RPTOR: variants seen among roughly 807,000 people sequenced by gnomAD.
RPTOR encodes regulatory associated protein of MTOR complex 1.
In RPTOR, 21 loss-of-function variants were observed where a neutral mutation model predicts 169.9. The ratio of observed to expected loss-of-function variants is 0.12; its 90% CI spans 0.09 to 0.18. RPTOR has a LOEUF of 0.18. Among genes scored for constraint, RPTOR ranks in the 10% least tolerant of loss-of-function variants. The pLI is 1.00. For synonymous variants in RPTOR, 732 were observed against 753.2 expected (o/e 0.97, Z 0.46); for missense variants, 1,133 against 1,855.9 (o/e 0.61, Z 7.16).
chr17:80,579,787 A>T (rs2064999096), intron 1 of RPTOR, among the ~76,000 whole-genome samples: 1 of 152,220 alleles, frequency 6.6e-6, no homozygotes, highest in African/African-American at 2.4e-5. Flanking sequence ...CATGTGGGGT[A>T]GTTAAGTGTC....
intron 7 of RPTOR, among the ~76,000 whole-genome samples, chr17:80,810,658 G>T (rs1182146070): frequency 2.0e-5 from 3 of 152,144 alleles, no homozygotes; most frequent in Non-Finnish European, 4.4e-5. Flanking sequence ...CAGTTTATCA[G>T]TTCTAACGAG....
intron 1 of RPTOR, among the ~76,000 whole-genome samples, chr17:80,598,591 A>G (rs1239113174): frequency 6.6e-6 from 1 of 152,212 alleles, no homozygotes; most frequent in African/African-American, 2.4e-5. Context: ...CTTGAGTCCA[A>G]GTTGCTGATC....
intron 6 of RPTOR, among the ~76,000 whole-genome samples, chr17:80,764,172 T>TTTATTTTA (rs1555616358): frequency 1.1e-3 from 94 of 86,292 alleles, no homozygotes; most frequent in East Asian, 2.2e-3. Flanking sequence ...TTTATTTTAT[T>TTTATTTTA]TTATTATTAT....
chr17:80,748,150 C>T (rs1221852446), intron 5 of RPTOR, among the ~76,000 whole-genome samples: 3 of 116,532 alleles, frequency 2.6e-5, no homozygotes, highest in Non-Finnish European at 3.3e-5. Context: ...GTTTAGAGGC[C>T]GTGGCGTGAG....
chr17:80,818,315 T>C (rs2067344669), intron 7 of RPTOR, among the ~76,000 whole-genome samples: 1 of 152,196 alleles, frequency 6.6e-6, no homozygotes, highest in Non-Finnish European at 1.5e-5. Flanking sequence ...ATTAACACTC[T>C]GAATTTAAAT....
intron 4 of RPTOR, among the ~76,000 whole-genome samples, chr17:80,720,020 G>T (rs2066271573): frequency 6.6e-6 from 1 of 152,100 alleles, no homozygotes; most frequent in Non-Finnish European, 1.5e-5. Flanking sequence ...ATGGATCATG[G>T]GCCGGGCACG....
chr17:80,665,483 C>CT (rs1227939035), intron 3 of RPTOR, among the ~76,000 whole-genome samples: 1 of 41,298 alleles, frequency 2.4e-5, no homozygotes, highest in African/African-American at 2.8e-4. Context: ...CTTTCCTTTC[C>CT]TTTCCTTTCC....
At chr17:80,762,197 G>T (rs58669836) in intron 6 of RPTOR, among the ~76,000 whole-genome samples, 5,119 of 152,344 alleles carry the variant, frequency 0.034, 298 homozygotes, top group African/African-American at 0.12. Flanking sequence ...GATGGATGCG[G>T]TAAGAAAGGG....
chr17:80,737,963 C>T (rs995959238), intron 5 of RPTOR, among the ~76,000 whole-genome samples: 4 of 151,894 alleles, frequency 2.6e-5, no homozygotes, highest in African/African-American at 7.2e-5. Context: ...ATCCACAGAA[C>T]GGCCATCCCC....
At position 80,959,818 on chromosome 17, in the gene RPTOR, G is replaced by A. The variant is rs571850258; in HGVS notation, c.3478-260G>A. ...CTGCCTCACTGGCTGGGTCCCAGGC[G>A]CCTCAGGGCCTCAGGGCTGTCCCTC... On this transcript the variant is annotated intron_variant, in intron 29 of 33. Transcript: ENST00000306801. This position sits in a 1 kb window ranked among gnomAD's most constrained non-coding sequence, Gnocchi z 6.7. Among the ~76,000 whole-genome samples the A allele has an allele frequency of 1.1e-4, 17 of 152,270 alleles. No homozygotes were observed. The highest frequency in any genetic ancestry group is 4.1e-4 in the South Asian group (2 of 4,826).
At chr17:80,832,048 G>C (rs768995783) in intron 9 of RPTOR, among the ~76,000 whole-genome samples, 2 of 152,236 alleles carry the variant, frequency 1.3e-5, no homozygotes, top group African/African-American at 2.4e-5. Context: ...CTGGCTATAA[G>C]GGCTTGAGCC....
At chr17:80,649,033 C>T (rs1172983814) in intron 3 of RPTOR, among the ~76,000 whole-genome samples, 4 of 152,200 alleles carry the variant, frequency 2.6e-5, no homozygotes, top group Non-Finnish European at 5.9e-5. Flanking sequence ...GTAAATTGCC[C>T]AGTCTTGGTT....
intron 6 of RPTOR, among the ~76,000 whole-genome samples, chr17:80,783,925 G>T (rs1459610892): frequency 3.3e-5 from 5 of 152,160 alleles, no homozygotes; most frequent in African/African-American, 1.2e-4. Flanking sequence ...GCTGTTTAAC[G>T]TTTGCAAGTT....
chr17:80,863,843 C>T (rs2067949147), intron 13 of RPTOR, among the ~76,000 whole-genome samples: 1 of 152,138 alleles, frequency 6.6e-6, no homozygotes, highest in Non-Finnish European at 1.5e-5. Flanking sequence ...TCGCTTGAGC[C>T]CGGGAGGTCG....
chr17:80,816,812 C>A (rs756525132), intron 7 of RPTOR, among the ~76,000 whole-genome samples: 2 of 152,182 alleles, frequency 1.3e-5, no homozygotes, highest in Admixed American at 6.5e-5. Context: ...AGCTTCAGGG[C>A]CACATGGGTT....
chr17:80,578,314 G>A (rs1005720744), intron 1 of RPTOR, among the ~76,000 whole-genome samples: 1 of 152,136 alleles, frequency 6.6e-6, no homozygotes. Context: ...GGCTTGAGAG[G>A]TGAAGTAATT....
intron 3 of RPTOR, among the ~76,000 whole-genome samples, chr17:80,688,597 G>A (rs2065966718): frequency 6.6e-6 from 1 of 152,200 alleles, no homozygotes; most frequent in African/African-American, 2.4e-5. Context: ...TCTCCTTTGA[G>A]CACACTGTTT....
rs528128719 is a variant in RPTOR at position 80,656,890 on chromosome 17, A to T, written c.348+13080A>T. ...GGAACACTTGTATTGAGTGGCAGGGAGCCGCGGGGACACTGCCCATAGCGG... is the reference window on the plus strand; with the variant it reads ...GGAACACTTGTATTGAGTGGCAGGGTGCCGCGGGGACACTGCCCATAGCGG... On this transcript the variant is annotated intron_variant, in intron 3 of 33. Coordinates refer to ENST00000306801, the MANE Select transcript of RPTOR (RefSeq NM_020761.3). Among the ~76,000 whole-genome samples, 393 of 152,278 alleles carry T rather than the reference A, an allele frequency of 2.6e-3. 3 individuals carry two copies. The highest frequency in any genetic ancestry group is 8.0e-3 in the African/African-American group (333 of 41,562).
At chr17:80,582,037 G>T (rs2065019300) in intron 1 of RPTOR, among the ~76,000 whole-genome samples, 1 of 152,182 alleles carries the variant, frequency 6.6e-6, no homozygotes, top group Non-Finnish European at 1.5e-5. Flanking sequence ...ACTAGAGAGG[G>T]AGAGCTCTGG....
Sources: allele counts gnomAD v4.1 joint callset (sites outside exome capture counted in the v4.1 genomes callset), GRCh38; gene constraint gnomAD v4.1.1; non-coding constraint Gnocchi (gnomAD v3.1); transcripts MANE v1.5; gene names NCBI Gene and HGNC (gene_info 2026-07-23, HGNC 2026-07-21).